CIMAP1B: variants seen among roughly 807,000 people sequenced by gnomAD.
The protein encoded by CIMAP1B is orf2 5' to PD-ECGF/TP.
the CIMAP1B span, chr22:50,531,051 C>G: frequency 1.9e-6 from 3 of 1,609,816 alleles, no homozygotes; most frequent in Non-Finnish European, 2.5e-6. Flanking sequence ...CCGTATAGGC[C>G]GCGGGACCTG....
At chr22:50,530,825 C>T in the CIMAP1B span, 8 of 1,604,222 alleles carry the variant, frequency 5.0e-6, no homozygotes, top group Non-Finnish European at 6.8e-6. Flanking sequence ...CCTGGACTCA[C>T]GACCTGATAG....
the CIMAP1B span, chr22:50,531,897 C>CT: frequency 7.6e-7 from 1 of 1,313,396 alleles, no homozygotes; most frequent in African/African-American, 1.5e-5. Context: ...GAGCGCAGGC[C>CT]TCCCTGGTCT....
At chr22:50,531,560 G>A in the CIMAP1B span, 1 of 1,428,224 alleles carries the variant, frequency 7.0e-7, no homozygotes, top group Non-Finnish European at 9.1e-7. Context: ...AGGGGCCCGG[G>A]GGTCCTGACC....
the CIMAP1B span, chr22:50,530,495 G>C: frequency 2.1e-4 from 341 of 1,599,508 alleles, no homozygotes; most frequent in Non-Finnish European, 2.8e-4. Context: ...TGTCCGCGTC[G>C]GTCACCAGCG....
At chr22:50,532,124 G>A in the CIMAP1B span, 1 of 1,334,044 alleles carries the variant, frequency 7.5e-7, no homozygotes, top group African/African-American at 1.5e-5. Context: ...GCGGACAGAA[G>A]GCGGTGGCCG....
chr22:50,530,644 C>T, the CIMAP1B span: 1 of 1,585,546 alleles, frequency 6.3e-7, no homozygotes, highest in African/African-American at 1.3e-5. Flanking sequence ...GACTCTGATC[C>T]CATCACTCCG....
the CIMAP1B span, chr22:50,530,682 T>C: frequency 6.2e-7 from 1 of 1,608,858 alleles, no homozygotes; most frequent in Non-Finnish European, 8.5e-7. Context: ...CTCTCCTGAC[T>C]CTGACCCTTG....
At chr22:50,531,868 G>C in the CIMAP1B span, 1 of 1,326,006 alleles carries the variant, frequency 7.5e-7, no homozygotes. Context: ...CTCCCCTCTA[G>C]CAGGCACGGT....
At chr22:50,532,444 C>T in the CIMAP1B span, 11 of 194,032 alleles carry the variant, frequency 5.7e-5, no homozygotes, top group Non-Finnish European at 1.0e-4. Flanking sequence ...GAAGGGCCTG[C>T]GTGGGGGACC....
At chr22:50,532,276 C>T in the CIMAP1B span, 1 of 740,614 alleles carries the variant, frequency 1.4e-6, no homozygotes, top group Non-Finnish European at 1.9e-6. Flanking sequence ...GAGCTTGGGG[C>T]CGGGAGCGGA....
chr22:50,531,307 A>G, the CIMAP1B span: 1 of 1,601,246 alleles, frequency 6.2e-7, no homozygotes, highest in Admixed American at 1.8e-5. Flanking sequence ...TGCGGGGCGG[A>G]TCAAGGGTGT....
the CIMAP1B span, chr22:50,532,374 A>C: frequency 3.2e-6 from 1 of 308,738 alleles, no homozygotes; most frequent in East Asian, 5.1e-5. Flanking sequence ...GGTGAAGGGA[A>C]TCACCTGGGG....
the CIMAP1B span, chr22:50,530,777 C>T: frequency 1.9e-6 from 3 of 1,608,394 alleles, no homozygotes; most frequent in Non-Finnish European, 2.5e-6. Context: ...GAAGTCCGCG[C>T]CAGAATCGTG....
chr22:50,530,825 C>G, the CIMAP1B span: 2 of 1,604,342 alleles, frequency 1.2e-6, no homozygotes, highest in Admixed American at 1.7e-5. Flanking sequence ...CCTGGACTCA[C>G]GACCTGATAG....
At chr22:50,531,448 G>A in the CIMAP1B span, 4 of 1,064,370 alleles carry the variant, frequency 3.8e-6, no homozygotes, top group Non-Finnish European at 4.0e-6. Context: ...CGGATATGGG[G>A]GTACCGAATA....
chr22:50,531,769 G>A, the CIMAP1B span: 2 of 1,367,312 alleles, frequency 1.5e-6, no homozygotes, highest in Non-Finnish European at 1.9e-6. Flanking sequence ...CATGCAGGGC[G>A]TAGCCTGGGA....
the CIMAP1B span, chr22:50,530,489 C>T: frequency 2.4e-5 from 38 of 1,598,080 alleles, no homozygotes; most frequent in African/African-American, 3.2e-4. Flanking sequence ...GTCAGTTGTC[C>T]GCGTCGGTCA....
the CIMAP1B span, chr22:50,530,834 A>G: frequency 6.2e-7 from 1 of 1,604,286 alleles, no homozygotes; most frequent in Non-Finnish European, 8.5e-7. Flanking sequence ...ACGACCTGAT[A>G]GGCGCAGGGG....
At chr22:50,531,332 G>C in the CIMAP1B span, 2 of 1,511,228 alleles carry the variant, frequency 1.3e-6, no homozygotes, top group African/African-American at 2.8e-5. Context: ...GGCTAGAACT[G>C]CGTGGGAGCC....
Sources: allele counts gnomAD v4.1 joint callset, GRCh38; gene constraint gnomAD v4.1.1; transcripts MANE v1.5; gene names NCBI Gene and HGNC (gene_info 2026-07-23, HGNC 2026-07-21).